The following FHIT variants were observed in gnomAD, a reference collection of about 807,000 sequenced individuals.
The protein encoded by FHIT is fragile histidine triad diadenosine triphosphatase, also known as bis(5'-adenosyl)-triphosphatase.
FHIT carries 19 observed loss-of-function variants against 17.9 expected under a neutral mutation model. That is an observed-to-expected ratio of 1.06 (90% confidence interval 0.74 to 1.56). FHIT has a LOEUF of 1.56. Ranked by LOEUF, FHIT falls within the 40% of genes most tolerant of loss-of-function variation. The probability of loss-of-function intolerance (pLI) is 0.00; values close to 1 mark genes in which losing one functional copy is unlikely to be tolerated. For synonymous variants in FHIT, 81 were observed against 69.7 expected, an observed-to-expected ratio of 1.16 and a Z score of -0.81; for missense variants, 248 against 189.2, an observed-to-expected ratio of 1.31 and a Z score of -1.82.
rs143588695 is a variant in FHIT, at chr3:60,364,266, A to G, written c.103+172594T>C. Among the ~76,000 whole-genome samples, 631 of 152,276 alleles carry G rather than the reference A, an allele frequency of 4.1e-3. 2 individuals are homozygous for G. The highest frequency in any genetic ancestry group is 6.1e-3 in the Non-Finnish European group (418 of 68,008). The stretch of plus-strand genomic sequence containing the variant: ...GTGTACTCCATGCTGCTTTCAAGTG[A>G]AATGCTCTTCACCACTTTTTCTGCT... On this transcript the variant is annotated intron_variant, in intron 5 of 9. Coordinates refer to ENST00000492590, the MANE Select transcript of FHIT (RefSeq NM_002012.4).
chr3:60,410,659 T>C (rs997012776), intron 5 of FHIT, among the ~76,000 whole-genome samples: 2 of 152,212 alleles, frequency 1.3e-5, no homozygotes, highest in African/African-American at 4.8e-5. Context: ...AATTTCCATA[T>C]GTAAGATAAA....
chr3:60,039,663 C>T (rs1208568731), intron 5 of FHIT, among the ~76,000 whole-genome samples: 3 of 152,248 alleles, frequency 2.0e-5, no homozygotes, highest in Admixed American at 6.5e-5. Context: ...AATGTAATAA[C>T]AGCAAAAGCA....
intron 3 of FHIT, among the ~76,000 whole-genome samples, chr3:60,999,255 CAGA>C (rs2030894428): frequency 6.6e-6 from 1 of 152,058 alleles, no homozygotes; most frequent in Non-Finnish European, 1.5e-5. Flanking sequence ...ACAGCAACTG[CAGA>C]AGATATCACT....
intron 5 of FHIT, among the ~76,000 whole-genome samples, chr3:60,461,310 G>A (rs942275198): frequency 6.6e-6 from 1 of 152,050 alleles, no homozygotes; most frequent in South Asian, 2.1e-4. Context: ...CCAAGACGTA[G>A]AGCACATTAT....
At chr3:60,586,960 G>A (rs1432314564) in intron 4 of FHIT, among the ~76,000 whole-genome samples, 2 of 152,012 alleles carry the variant, frequency 1.3e-5, no homozygotes, top group African/African-American at 4.8e-5. Flanking sequence ...GTTTACCTAT[G>A]TAACAAACCT....
intron 2 of FHIT, among the ~76,000 whole-genome samples, chr3:61,075,552 G>T (rs985347606): frequency 1.1e-4 from 16 of 151,984 alleles, no homozygotes; most frequent in Admixed American, 7.2e-4. Flanking sequence ...ACCAGAAAAG[G>T]TGAGGAGAAC....
intron 5 of FHIT, among the ~76,000 whole-genome samples, chr3:60,379,045 T>C (rs1700695565): frequency 6.6e-6 from 1 of 152,236 alleles, no homozygotes; most frequent in African/African-American, 2.4e-5. Flanking sequence ...TGTCTTTGGT[T>C]GCACAATGAT....
intron 5 of FHIT, among the ~76,000 whole-genome samples, chr3:60,324,828 G>A (rs1882901): frequency 0.64 from 96,654 of 151,942 alleles, 31,357 homozygotes; most frequent in South Asian, 0.71. Flanking sequence ...ATACCTTGGT[G>A]TACTGTTTTC....
At chr3:59,859,556 A>T (rs1702320245) in intron 8 of FHIT, among the ~76,000 whole-genome samples, 1 of 152,164 alleles carries the variant, frequency 6.6e-6, no homozygotes, top group African/African-American at 2.4e-5. Flanking sequence ...CGTCTCTACT[A>T]AAAATACAAA....
chr3:60,997,608 A>C (rs9814327), intron 3 of FHIT, among the ~76,000 whole-genome samples: 5,516 of 152,154 alleles, frequency 0.036, 204 homozygotes, highest in African/African-American at 0.096. Context: ...ACTCACTCAT[A>C]TCCATTACCT....
At chr3:60,249,410 C>T (rs777023563) in intron 5 of FHIT, among the ~76,000 whole-genome samples, 49 of 152,084 alleles carry the variant, frequency 3.2e-4, no homozygotes, top group Non-Finnish European at 5.4e-4. Flanking sequence ...AGGCTGACTC[C>T]ATCACTTGGG....
intron 5 of FHIT, among the ~76,000 whole-genome samples, chr3:60,256,354 T>C (rs1705991678): frequency 6.6e-6 from 1 of 152,196 alleles, no homozygotes; most frequent in African/African-American, 2.4e-5. Context: ...TCACTAAATT[T>C]ACCCATTTTT....
chr3:60,811,030 G>T (rs1701555958), intron 4 of FHIT, among the ~76,000 whole-genome samples: 1 of 152,116 alleles, frequency 6.6e-6, no homozygotes. Flanking sequence ...TCATTTCTCA[G>T]GGGCTCAGTT....
At chr3:60,890,878 A>C (rs1705481095) in intron 3 of FHIT, among the ~76,000 whole-genome samples, 1 of 152,020 alleles carries the variant, frequency 6.6e-6, no homozygotes, top group Admixed American at 6.5e-5. Context: ...CTCTGCCAAA[A>C]CTCAAAATCA....
At chr3:60,704,066 T>A (rs562677955) in intron 4 of FHIT, among the ~76,000 whole-genome samples, 1 of 152,108 alleles carries the variant, frequency 6.6e-6, no homozygotes, top group Non-Finnish European at 1.5e-5. Context: ...GTACATACCA[T>A]CTTCCTCCCA....
At chr3:60,986,130 A>G (rs60694550) in intron 3 of FHIT, among the ~76,000 whole-genome samples, 2,383 of 152,332 alleles carry the variant, frequency 0.016, 59 homozygotes, top group African/African-American at 0.053. Context: ...CCCTTTTGCC[A>G]TAAGAGGTAA....
In FHIT at chr3:60,116,936, G is replaced by A. The variant is rs992006163; in HGVS notation, c.104-102784C>T. ...CAATCTCCCCTCTAGAAAAAGTTAC[G>A]GAAATATTGTACAAAATGCACCATG... On this transcript the variant is annotated intron_variant, in intron 5 of 9. Transcript: ENST00000492590. 8.6e-5 allele frequency among the ~76,000 whole-genome samples: 13 copies of A among 151,890 alleles called. 1 individual carries two copies. The highest frequency in any genetic ancestry group is 1.2e-4 in the Non-Finnish European group (8 of 67,988).
At chr3:60,193,177 C>T (rs981579107) in intron 5 of FHIT, among the ~76,000 whole-genome samples, 8 of 152,166 alleles carry the variant, frequency 5.3e-5, no homozygotes, top group African/African-American at 1.4e-4. Context: ...AGTCACTTTA[C>T]GAGAACTACT....
At chr3:60,234,381 A>G (rs1269517371) in intron 5 of FHIT, among the ~76,000 whole-genome samples, 1 of 152,228 alleles carries the variant, frequency 6.6e-6, no homozygotes, top group African/African-American at 2.4e-5. Flanking sequence ...TGAATAATTA[A>G]TACCTGTGAG....
Sources: gnomAD v4.1 joint callset for allele counts (sites outside exome capture counted in the v4.1 genomes callset) on GRCh38, gnomAD v4.1.1 for gene constraint, MANE v1.5 for transcripts, NCBI Gene and HGNC (gene_info 2026-07-23, HGNC 2026-07-21) for gene names.